HIRA: variants seen among roughly 807,000 people sequenced by gnomAD.
HIRA encodes the protein protein HIRA.
Under a neutral mutation model 126.6 loss-of-function variants are expected in HIRA, and 13 were observed. The observed-to-expected ratio is 0.10, with a 90% CI of 0.07 to 0.16. HIRA has a LOEUF of 0.16. Among genes scored for constraint, HIRA ranks in the 10% least tolerant of loss-of-function variants. The probability of loss-of-function intolerance (pLI) is 1.00; values close to 1 mark genes in which losing one functional copy is unlikely to be tolerated. For missense variants in HIRA, 834 were observed against 1,314.4 expected (o/e 0.63, Z 5.65); for synonymous variants, 511 against 520.0 (o/e 0.98, Z 0.24).
At chr22:19,414,115 C>G (rs2089376048) in intron 1 of HIRA, among the ~76,000 whole-genome samples, 1 of 152,154 alleles carries the variant, frequency 6.6e-6, no homozygotes, top group African/African-American at 2.4e-5. Flanking sequence ...TCTAGAGACA[C>G]CAAGCAATCA....
intron 9 of HIRA, 124 bp from the exon 10 acceptor site, chr22:19,388,678 A>G (rs1422500046): frequency 4.1e-6 from 3 of 729,664 alleles, no homozygotes; most frequent in African/African-American, 3.5e-5. Context: ...AGGCATCTTC[A>G]ACTCTATTCA....
intron 1 of HIRA, among the ~76,000 whole-genome samples, chr22:19,430,854 G>A (rs1197261770): frequency 6.6e-6 from 1 of 152,216 alleles, no homozygotes; most frequent in Non-Finnish European, 1.5e-5. Flanking sequence ...ACACACCTGT[G>A]CCCTATCTGC....
At chr22:19,362,497 TA>T (rs1341254120) in intron 15 of HIRA, among the ~76,000 whole-genome samples, 4 of 152,186 alleles carry the variant, frequency 2.6e-5, no homozygotes, top group East Asian at 1.9e-4. Context: ...GAGCAATCAC[TA>T]AAAAAAATTT....
At chr22:19,412,654 C>A (rs2089363229) in intron 1 of HIRA, among the ~76,000 whole-genome samples, 1 of 152,176 alleles carries the variant, frequency 6.6e-6, no homozygotes, top group African/African-American at 2.4e-5. Flanking sequence ...TCAAGAAGCA[C>A]ACCAGAAACC....
At chr22:19,388,627 A>G in intron 9 of HIRA, 73 bp from the exon 10 acceptor site, 1 of 1,181,382 alleles carries the variant, frequency 8.5e-7, no homozygotes, top group Non-Finnish European at 1.3e-6. Context: ...AGTTAACATA[A>G]CCAACCTAGA....
At chr22:19,417,441 G>A (rs962534208) in intron 1 of HIRA, among the ~76,000 whole-genome samples, 10 of 152,058 alleles carry the variant, frequency 6.6e-5, no homozygotes, top group African/African-American at 2.2e-4. Flanking sequence ...GGCCAACATG[G>A]TGAAACCCCA....
intron 2 of HIRA, among the ~76,000 whole-genome samples, chr22:19,409,186 C>T (rs1269213315): frequency 7.2e-5 from 11 of 152,080 alleles, no homozygotes; most frequent in African/African-American, 2.2e-4. Context: ...TACCTACAGA[C>T]GAGAGACCAC....
intron 15 of HIRA, among the ~76,000 whole-genome samples, chr22:19,362,839 T>A (rs5993614): frequency 6.6e-6 from 1 of 151,696 alleles, no homozygotes; most frequent in African/African-American, 2.4e-5. Context: ...GGGATTATGG[T>A]CGTGAGCCAC....
chr22:19,354,563 C>T (rs1205951076), intron 21 of HIRA, among the ~76,000 whole-genome samples: 1 of 152,244 alleles, frequency 6.6e-6, no homozygotes, highest in Non-Finnish European at 1.5e-5. Context: ...GCAGTCCTTC[C>T]ACCTTCTCTG....
chr22:19,410,296 G>C (rs2089342055), intron 2 of HIRA, among the ~76,000 whole-genome samples: 1 of 152,138 alleles, frequency 6.6e-6, no homozygotes, highest in South Asian at 2.1e-4. Context: ...CCTTTGACGA[G>C]AAAATGGGCC....
At chr22:19,358,826 C>T (rs757539409) in intron 18 of HIRA, among the ~76,000 whole-genome samples, 7 of 152,114 alleles carry the variant, frequency 4.6e-5, no homozygotes, top group Non-Finnish European at 7.4e-5. Context: ...ACAGGGCTCA[C>T]GTACAGTTCT....
At position 19,377,995 on chromosome 22, in the gene HIRA, T is replaced by C. The variant is rs2089035141; in HGVS notation, c.1487A>G (p.His496Arg). The change falls in exon 14 of 25, where the codon CAT becomes CGT. Residue 496 changes from histidine to arginine, a missense_variant. Around this residue, in one of 5 missense-constraint regions of HIRA, gnomAD observed 468 missense variants for 574.2 expected, o/e 0.82. Transcript: ENST00000263208. ...GSLAGTMLSS[H>R]SSPQLLPLDS... ...CAGTGGCAGTAGCTGTGGACTGCTATGAGAAGAGAGCATGGTGCCCGCCAG... is the reference window on the plus strand; with the variant it reads ...CAGTGGCAGTAGCTGTGGACTGCTACGAGAAGAGAGCATGGTGCCCGCCAG... 4 of 1,612,726 alleles carry C rather than the reference T, an allele frequency of 2.5e-6. No individual in the cohort carries two copies. Among genetic ancestry groups the C allele is most frequent in the Non-Finnish European group, 2.5e-6 (3 of 1,179,508 alleles).
chr22:19,418,292 A>G lies in HIRA; in HGVS notation c.38-7514T>C, dbSNP rs139938002. Among the ~76,000 whole-genome samples, 897 of 152,294 alleles carry G rather than the reference A, an allele frequency of 5.9e-3. 6 individuals are homozygous for G. The highest frequency in any genetic ancestry group is 9.1e-3 in the Non-Finnish European group (620 of 68,030). On this transcript the variant is annotated intron_variant, in intron 1 of 24. Coordinates refer to ENST00000263208, the MANE Select transcript of HIRA (RefSeq NM_003325.4). ...CCAAACAAAACCAAAAATAAAAATA[A>G]ATAAAATGGAGGAGTGTAGGAGGGA... is the stretch of plus-strand genomic sequence containing the variant.
chr22:19,351,142 C>A lies in HIRA; in HGVS notation c.2937+216G>T. 1.0e-6 allele frequency: 1 copy of A among 985,332 alleles called. No homozygotes were observed. The highest frequency in any genetic ancestry group is 4.7e-5 in the South Asian group (1 of 21,278). 61.0% of individuals were successfully genotyped at this position (985,332 alleles called of 1,614,324 possible). On this transcript the variant is annotated intron_variant, in intron 24 of 24. Coordinates refer to ENST00000263208, the MANE Select transcript of HIRA (RefSeq NM_003325.4). This position sits in a 1 kb window ranked among gnomAD's most constrained non-coding sequence, Gnocchi z 4.8. ...AGCCTCCCTCAGCACAGGCACGTGG[C>A]GGAGCACTCCGTGGCTCCTGATGTC...
At chr22:19,399,798 T>C (rs548230847) in intron 5 of HIRA, among the ~76,000 whole-genome samples, 2 of 152,378 alleles carry the variant, frequency 1.3e-5, no homozygotes, top group South Asian at 2.1e-4. Context: ...AAATTTTTAA[T>C]TAGATTATTA....
At position 19,411,370 on chromosome 22, in the gene HIRA, G is replaced by A. The variant is rs113411585; in HGVS notation, c.38-592C>T. On this transcript the variant is annotated intron_variant, in intron 1 of 24. Coordinates refer to ENST00000263208, the MANE Select transcript of HIRA (RefSeq NM_003325.4). Reference sequence around the variant, plus strand: ...AAAGGACTGTGGCTATTAGTTCTTAGAAGCCCCAAAGAGCCCAGTATGGGC... The same window carrying A: ...AAAGGACTGTGGCTATTAGTTCTTAAAAGCCCCAAAGAGCCCAGTATGGGC... Among the ~76,000 whole-genome samples, 142 of 152,304 alleles carry A rather than the reference G, an allele frequency of 9.3e-4. 1 individual carries two copies. The highest frequency in any genetic ancestry group is 3.2e-3 in the African/African-American group (133 of 41,548).
At chr22:19,425,804 C>T (rs572840024) in intron 1 of HIRA, among the ~76,000 whole-genome samples, 26 of 151,982 alleles carry the variant, frequency 1.7e-4, no homozygotes, top group Non-Finnish European at 3.2e-4. Flanking sequence ...GCCAACGTGG[C>T]GAAAATGTGT....
At chr22:19,408,969 G>A (rs139341722) in intron 2 of HIRA, among the ~76,000 whole-genome samples, 132 of 150,596 alleles carry the variant, frequency 8.8e-4, no homozygotes, top group African/African-American at 2.2e-3. Flanking sequence ...TGTGAAATGA[G>A]GAGAAGGGAA....
At chr22:19,385,918 C>T (rs1349302686) in intron 11 of HIRA, among the ~76,000 whole-genome samples, 182 bp from the exon 12 acceptor site, 1 of 152,198 alleles carries the variant, frequency 6.6e-6, no homozygotes, top group Non-Finnish European at 1.5e-5. Context: ...CTGTTGATGT[C>T]TCATGCCCAC....
Sources: allele counts gnomAD v4.1 joint callset (sites outside exome capture counted in the v4.1 genomes callset), GRCh38; gene constraint gnomAD v4.1.1; regional missense constraint gnomAD v4.1.1; non-coding constraint Gnocchi (gnomAD v3.1); transcripts MANE v1.5; gene names NCBI Gene and HGNC (gene_info 2026-07-23, HGNC 2026-07-21).